Variants in LYRM4 observed in about 807,000 individuals in gnomAD.
The protein encoded by LYRM4 is LYR motif containing 4.
A neutral mutation model predicts 11.7 loss-of-function variants in LYRM4; 9 were observed. That is an observed-to-expected ratio of 0.77 (90% CI 0.46 to 1.34). The LOEUF (loss-of-function observed/expected upper bound fraction) is 1.34. Ranked by LOEUF, LYRM4 falls within the 40% of genes most tolerant of loss-of-function variation. The pLI is 0.00. For missense variants in LYRM4, 133 were observed against 112.5 expected (o/e 1.18, Z -0.82); for synonymous variants, 42 against 40.4 (o/e 1.04, Z -0.15).
At chr6:5,221,057 C>A (rs1478321073) in intron 1 of LYRM4, among the ~76,000 whole-genome samples, 4 of 152,124 alleles carry the variant, frequency 2.6e-5, no homozygotes, top group Non-Finnish European at 1.5e-5. Context: ...AAACTCCTGA[C>A]TTCCAGTGAT....
At chr6:5,053,296 C>A in the LYRM4 span, among the ~76,000 whole-genome samples, 1 of 152,102 alleles carries the variant, frequency 6.6e-6, no homozygotes, top group South Asian at 2.1e-4. Context: ...TCCTCTACTG[C>A]AGCCCACTAA....
intron 2 of LYRM4, among the ~76,000 whole-genome samples, chr6:5,142,115 G>A (rs1390334731): frequency 3.3e-5 from 5 of 152,176 alleles, no homozygotes; most frequent in Non-Finnish European, 1.5e-5. Context: ...CTCCTCTACT[G>A]AGTGAAGGGG....
intron 1 of LYRM4, among the ~76,000 whole-genome samples, chr6:5,245,476 C>G (rs1341688214): frequency 6.6e-6 from 1 of 151,918 alleles, no homozygotes; most frequent in Non-Finnish European, 1.5e-5. Flanking sequence ...GGATGGCAGT[C>G]TAGTGAAAAT....
At chr6:5,232,523 A>C (rs1763301335) in intron 1 of LYRM4, among the ~76,000 whole-genome samples, 1 of 152,248 alleles carries the variant, frequency 6.6e-6, no homozygotes, top group Admixed American at 6.5e-5. Context: ...ACTGGTAATA[A>C]ACCATTCACA....
At chr6:5,245,042 A>T (rs947086284) in intron 1 of LYRM4, among the ~76,000 whole-genome samples, 3 of 137,820 alleles carry the variant, frequency 2.2e-5, no homozygotes, top group African/African-American at 5.3e-5. Flanking sequence ...TGTGACACTG[A>T]TCCCAAGGAC....
At chr6:5,168,543 G>A (rs923348885) in intron 2 of LYRM4, among the ~76,000 whole-genome samples, 2 of 152,082 alleles carry the variant, frequency 1.3e-5, no homozygotes, top group Admixed American at 6.5e-5. Context: ...AAAACATCAC[G>A]AAAGACAAAA....
chr6:5,088,127 C>A, the LYRM4 span: 1 of 152,148 alleles, frequency 6.6e-6, no homozygotes, highest in Admixed American at 6.5e-5. Context: ...CGGAGTTTCA[C>A]TCTTGTCGCC....
chr6:5,163,249 A>G (rs1758873869), intron 2 of LYRM4, among the ~76,000 whole-genome samples: 1 of 152,188 alleles, frequency 6.6e-6, no homozygotes, highest in African/African-American at 2.4e-5. Flanking sequence ...GGTATGAGGA[A>G]GGGGTCAAGA....
At chr6:5,056,077 C>T in the LYRM4 span, among the ~76,000 whole-genome samples, 9 of 152,036 alleles carry the variant, frequency 5.9e-5, no homozygotes, top group Non-Finnish European at 1.3e-4. Context: ...CAACAAGTGC[C>T]ATCTTAGCCT....
intron 2 of LYRM4, among the ~76,000 whole-genome samples, chr6:5,153,474 C>G (rs1263861980): frequency 3.3e-5 from 5 of 152,230 alleles, no homozygotes; most frequent in Non-Finnish European, 7.3e-5. Flanking sequence ...CAGAGAGAAG[C>G]TGGACATCTG....
chr6:5,183,526 GT>G (rs1760202841), intron 2 of LYRM4, among the ~76,000 whole-genome samples: 1 of 152,200 alleles, frequency 6.6e-6, no homozygotes, highest in African/African-American at 2.4e-5. Context: ...ATGCAATAAA[GT>G]TGGTAAAAAA....
intron 2 of LYRM4, among the ~76,000 whole-genome samples, chr6:5,203,352 C>G (rs1482016626): frequency 6.6e-6 from 1 of 152,200 alleles, no homozygotes; most frequent in Non-Finnish European, 1.5e-5. Context: ...TAGTCTGCTG[C>G]CTGGGACAGC....
intron 1 of LYRM4, among the ~76,000 whole-genome samples, chr6:5,252,486 C>T (rs1764480823): frequency 6.6e-6 from 1 of 152,208 alleles, no homozygotes. Flanking sequence ...ACACGCCTTG[C>T]ATTTTACTTT....
rs1452612689 is a variant in LYRM4, at chr6:5,224,546, T to A, written c.87-7808A>T. 2.0e-5 allele frequency among the ~76,000 whole-genome samples: 3 copies of A among 152,328 alleles called. No homozygotes were observed. In the South Asian group the frequency reaches 6.2e-4, roughly 32 times the overall value. On this transcript the variant is annotated intron_variant, in intron 1 of 2. Transcript: ENST00000330636. Reference sequence around the variant, plus strand: ...TCTATCCTACAGAAATAACCTGAAATATGCAGATATATACAGAATGATGTT... The same window carrying A: ...TCTATCCTACAGAAATAACCTGAAAAATGCAGATATATACAGAATGATGTT...
intron 1 of LYRM4, among the ~76,000 whole-genome samples, chr6:5,238,869 G>A (rs1044276570): frequency 1.3e-5 from 2 of 152,124 alleles, no homozygotes; most frequent in South Asian, 2.1e-4. Flanking sequence ...TTCATAGTCC[G>A]AGACTATTAA....
chr6:5,224,772 C>T (rs1419131928), intron 1 of LYRM4, among the ~76,000 whole-genome samples: 3 of 151,768 alleles, frequency 2.0e-5, no homozygotes, highest in Non-Finnish European at 4.4e-5. Context: ...CCAGCCTGAC[C>T]AACATGGTGA....
intron 2 of LYRM4, among the ~76,000 whole-genome samples, chr6:5,197,903 G>A (rs1173708632): frequency 6.6e-6 from 1 of 151,638 alleles, no homozygotes; most frequent in African/African-American, 2.4e-5. Flanking sequence ...CGGGTGCGGT[G>A]GCTCACGCCT....
chr6:5,143,563 C>T (rs1383697717), intron 2 of LYRM4, among the ~76,000 whole-genome samples: 1 of 152,158 alleles, frequency 6.6e-6, no homozygotes, highest in Non-Finnish European at 1.5e-5. Flanking sequence ...CCTGATAGTG[C>T]ACAGAACTGG....
Position 5,171,710 on chromosome 6 carries a change from C to G in LYRM4, c.207+44908G>C, listed in dbSNP as rs532628423. 5.3e-5 allele frequency among the ~76,000 whole-genome samples: 8 copies of G among 152,350 alleles called. No individual in the cohort carries two copies. The South Asian group carries it at 1.7e-3, about 32-fold the overall frequency. On this transcript the variant is annotated intron_variant, in intron 2 of 2. Coordinates refer to ENST00000330636, the MANE Select transcript of LYRM4 (RefSeq NM_020408.6). ...TAACGTGCTGACAAAGCACCTCTTTCTGTGGCGAAAACCCTCATGAAGCAA... is the reference window on the plus strand; with the variant it reads ...TAACGTGCTGACAAAGCACCTCTTTGTGTGGCGAAAACCCTCATGAAGCAA...
Sources: gnomAD v4.1 joint callset for allele counts (sites outside exome capture counted in the v4.1 genomes callset) on GRCh38, gnomAD v4.1.1 for gene constraint, MANE v1.5 for transcripts, NCBI Gene and HGNC (gene_info 2026-07-23, HGNC 2026-07-21) for gene names.